NTSR1: variants seen among roughly 807,000 people sequenced by gnomAD.
The protein encoded by NTSR1 is neurotensin receptor 1.
A neutral mutation model predicts 31.2 loss-of-function variants in NTSR1; 29 were observed. The observed-to-expected ratio is 0.93, with a 90% CI of 0.69 to 1.27. NTSR1 has a LOEUF of 1.27. Among genes scored for constraint, NTSR1 ranks in the 50% most tolerant of loss-of-function variants. The probability of loss-of-function intolerance (pLI) is 0.00; values close to 1 mark genes in which losing one functional copy is unlikely to be tolerated. For synonymous variants in NTSR1, 282 were observed against 269.9 expected (o/e 1.04, Z -0.44); for missense variants, 697 against 595.4 (o/e 1.17, Z -1.78).
intron 1 of NTSR1, among the ~76,000 whole-genome samples, chr20:62,728,135 C>G (rs916411837): frequency 1.3e-5 from 2 of 152,260 alleles, no homozygotes; most frequent in African/African-American, 4.8e-5. Context: ...GACTGGACAG[C>G]AGGGAGGGCT....
chr20:62,742,225 C>G lies in NTSR1; in HGVS notation c.715-12460C>G, dbSNP rs1336624210. Among the ~76,000 whole-genome samples, 2 of 149,460 alleles carry G rather than the reference C, an allele frequency of 1.3e-5. No homozygotes were observed. Among genetic ancestry groups the G allele is most frequent in the African/African-American group, 2.5e-5 (1 of 39,976 alleles). On this transcript the variant is annotated intron_variant, in intron 1 of 3. Coordinates refer to ENST00000370501, the MANE Select transcript of NTSR1 (RefSeq NM_002531.3). This position sits in a 1 kb window ranked among gnomAD's most constrained non-coding sequence, Gnocchi z 7.1. Reference sequence around the variant, plus strand: ...CACCGAGGTGGCTGACATGGCCCCTCCAGGTCACACGCCTGTTCTCTCTCC... The same window carrying G: ...CACCGAGGTGGCTGACATGGCCCCTGCAGGTCACACGCCTGTTCTCTCTCC...
intron 1 of NTSR1, among the ~76,000 whole-genome samples, chr20:62,730,745 C>T (rs945690292): frequency 6.6e-6 from 1 of 152,228 alleles, no homozygotes; most frequent in Non-Finnish European, 1.5e-5. Flanking sequence ...GCCTTGCCAG[C>T]GTTTGGTGTC....
At chr20:62,759,730 G>A (rs1194006343) in intron 3 of NTSR1, among the ~76,000 whole-genome samples, 51 of 148,104 alleles carry the variant, frequency 3.4e-4, no homozygotes, top group Admixed American at 3.4e-4. Context: ...AGCCGAGATC[G>A]CGCCACTGTA....
At chr20:62,710,300 G>A (rs1442555401) in intron 1 of NTSR1, among the ~76,000 whole-genome samples, 2 of 152,242 alleles carry the variant, frequency 1.3e-5, no homozygotes, top group Admixed American at 6.5e-5. Context: ...TTCCTCTGCA[G>A]AGAAGCCCCC....
chr20:62,716,072 T>C (rs1264501476), intron 1 of NTSR1, among the ~76,000 whole-genome samples: 1 of 152,226 alleles, frequency 6.6e-6, no homozygotes, highest in Admixed American at 6.5e-5. Context: ...TGTGCTGTTT[T>C]ACCATCTGGA....
At chr20:62,730,736 C>T (rs571464560) in intron 1 of NTSR1, among the ~76,000 whole-genome samples, 1 of 152,210 alleles carries the variant, frequency 6.6e-6, no homozygotes, top group Non-Finnish European at 1.5e-5. Flanking sequence ...TGCTCCGCAG[C>T]CTTGCCAGCG....
chr20:62,710,830 T>C (rs1269408440), intron 1 of NTSR1, among the ~76,000 whole-genome samples: 1 of 152,078 alleles, frequency 6.6e-6, no homozygotes, highest in Admixed American at 6.5e-5. Flanking sequence ...TTGAAAGGCA[T>C]CTTGGAAATG....
chr20:62,716,379 C>A (rs2427402), intron 1 of NTSR1, among the ~76,000 whole-genome samples: 138,978 of 152,164 alleles, frequency 0.91, 63,605 homozygotes, highest in East Asian at 1. Context: ...AGGTTCTGGA[C>A]AACGCTGAGC....
chr20:62,753,612 C>T (rs769435815), intron 1 of NTSR1, among the ~76,000 whole-genome samples: 4 of 152,230 alleles, frequency 2.6e-5, no homozygotes, highest in Middle Eastern at 3.2e-3. Flanking sequence ...CCTCCGTCCC[C>T]GGCACAGGAT....
chr20:62,724,789 A>C (rs1600722349), intron 1 of NTSR1, among the ~76,000 whole-genome samples: 1 of 151,896 alleles, frequency 6.6e-6, no homozygotes, highest in Non-Finnish European at 1.5e-5. Flanking sequence ...CTAGGGAAGG[A>C]CCCTTCCTGC....
At chr20:62,746,371 C>T (rs962190908) in intron 1 of NTSR1, among the ~76,000 whole-genome samples, 35 of 152,222 alleles carry the variant, frequency 2.3e-4, no homozygotes, top group Non-Finnish European at 3.5e-4. Context: ...GCCAGCATCG[C>T]TGTGTCTGTA....
At chr20:62,731,369 C>T (rs1306931152) in intron 1 of NTSR1, among the ~76,000 whole-genome samples, 1 of 152,170 alleles carries the variant, frequency 6.6e-6, no homozygotes. Flanking sequence ...CAAGTGTGAG[C>T]CACCACGCCC....
At position 62,711,531 on chromosome 20, in the gene NTSR1, C is replaced by T. The variant is rs1271714402; in HGVS notation, c.714+1610C>T. Among the ~76,000 whole-genome samples the T allele has an allele frequency of 6.8e-6, 1 of 146,412 alleles. No individual in the cohort carries two copies. Among genetic ancestry groups the T allele is most frequent in the Non-Finnish European group, 1.5e-5 (1 of 66,318 alleles). The stretch of plus-strand genomic sequence containing the variant: ...GCTGTCACTGCCCACCCAGGAGATG[C>T]CCCCACTCAGACCCCGGATCCCCCC... On this transcript the variant is annotated intron_variant, in intron 1 of 3. Transcript: ENST00000370501. The surrounding 1 kb of genome is among the most constrained non-coding windows in gnomAD (Gnocchi z 6.4).
intron 1 of NTSR1, among the ~76,000 whole-genome samples, chr20:62,746,539 C>T (rs1196065771): frequency 6.6e-6 from 1 of 151,644 alleles, no homozygotes; most frequent in Admixed American, 6.6e-5. Context: ...GCTAGACTAA[C>T]CAAGAAAAAA....
At chr20:62,752,540 C>T (rs1209750019) in intron 1 of NTSR1, among the ~76,000 whole-genome samples, 3 of 152,228 alleles carry the variant, frequency 2.0e-5, no homozygotes, top group Non-Finnish European at 4.4e-5. Context: ...CTGTTCCCTC[C>T]CTCTGGAAAC....
At chr20:62,756,217 C>A (rs1308456680) in intron 2 of NTSR1, among the ~76,000 whole-genome samples, 1 of 152,174 alleles carries the variant, frequency 6.6e-6, no homozygotes, top group Non-Finnish European at 1.5e-5. Flanking sequence ...CTACATCTGG[C>A]AGCTGGGAGG....
intron 1 of NTSR1, among the ~76,000 whole-genome samples, chr20:62,718,941 C>T (rs1026277265): frequency 6.6e-6 from 1 of 152,130 alleles, no homozygotes; most frequent in Non-Finnish European, 1.5e-5. Flanking sequence ...GTTTCCTAAG[C>T]GATGCGCTGT....
chr20:62,754,322 C>T (rs1438410706), intron 1 of NTSR1, among the ~76,000 whole-genome samples: 1 of 152,222 alleles, frequency 6.6e-6, no homozygotes, highest in African/African-American at 2.4e-5. Context: ...ATGCACACAA[C>T]ATGTCCAGAC....
At chr20:62,739,264 G>A (rs901515922) in intron 1 of NTSR1, among the ~76,000 whole-genome samples, 6 of 152,198 alleles carry the variant, frequency 3.9e-5, no homozygotes, top group African/African-American at 7.2e-5. Context: ...AGTCTCCCAC[G>A]TCCTATGCTC....
Sources: allele counts gnomAD v4.1 joint callset (sites outside exome capture counted in the v4.1 genomes callset), GRCh38; gene constraint gnomAD v4.1.1; non-coding constraint Gnocchi (gnomAD v3.1); transcripts MANE v1.5; gene names NCBI Gene and HGNC (gene_info 2026-07-23, HGNC 2026-07-21).